OCA2: variants seen among roughly 807,000 people sequenced by gnomAD.
OCA2 encodes the protein OCA2 melanosomal transmembrane protein, also known as P protein.
A neutral mutation model predicts 100.2 loss-of-function variants in OCA2; 77 were observed. The observed-to-expected ratio is 0.77, with a 90% CI of 0.64 to 0.93. The LOEUF (loss-of-function observed/expected upper bound fraction) is 0.93, where lower values mean the gene tolerates loss of function less well. OCA2 is among the 40% of genes least tolerant of loss of function. The pLI is 0.00. For synonymous variants in OCA2, 432 were observed against 439.2 expected (o/e 0.98, Z 0.21); for missense variants, 1,062 against 1,089.1 (o/e 0.98, Z 0.35).
At chr15:27,864,960 G>A (rs2036266671) in intron 21 of OCA2, among the ~76,000 whole-genome samples, 1 of 151,726 alleles carries the variant, frequency 6.6e-6, no homozygotes, top group Non-Finnish European at 1.5e-5. Context: ...AAGAAGAGGC[G>A]GCGGGTGTGA....
In OCA2 at chr15:28,092,351, AC is replaced by A. The variant is rs1489291620; in HGVS notation, c.-22+6872del. Reference sequence around the variant, plus strand: ...AACTCAGTGAATATACTGAAAAAAAACATTAAATTGTACATTTTTTTTGAAA... The same window carrying A: ...AACTCAGTGAATATACTGAAAAAAAAATTAAATTGTACATTTTTTTTGAAA... On this transcript the variant is annotated intron_variant, in intron 1 of 23. Coordinates refer to ENST00000354638, the MANE Select transcript of OCA2 (RefSeq NM_000275.3). Among the ~76,000 whole-genome samples the A allele has an allele frequency of 3.9e-5, 6 of 152,284 alleles. No individual in the cohort carries two copies. In the South Asian group the frequency reaches 8.3e-4, roughly 21 times the overall value.
At chr15:27,938,553 GA>G (rs1444070271) in intron 18 of OCA2, among the ~76,000 whole-genome samples, 2 of 152,212 alleles carry the variant, frequency 1.3e-5, no homozygotes, top group East Asian at 3.9e-4. Flanking sequence ...TATGCCATTA[GA>G]AGGCAGTAAC....
At chr15:28,005,386 T>C (rs1186553129) in intron 9 of OCA2, among the ~76,000 whole-genome samples, 1 of 151,902 alleles carries the variant, frequency 6.6e-6, no homozygotes, top group South Asian at 2.1e-4. Flanking sequence ...TCTGTATGAG[T>C]TTCCCGGGCT....
Position 27,764,171 on chromosome 15 carries a change from G to A in OCA2, c.2433-8699C>T, listed in dbSNP as rs1333155504. Among the ~76,000 whole-genome samples the A allele has an allele frequency of 7.4e-5, 10 of 135,440 alleles. No homozygotes were observed. In the South Asian group the frequency reaches 1.2e-3, roughly 17 times the overall value. 88.9% of individuals were successfully genotyped at this position (135,440 alleles called of 152,430 possible). ...ATACAGAAAGAGGGAGGAGGGAGAC[G>A]GGGAGAGAGAAAGAAGGAGGGACAG... On this transcript the variant is annotated intron_variant, in intron 23 of 23. Coordinates refer to ENST00000354638, the MANE Select transcript of OCA2 (RefSeq NM_000275.3).
chr15:27,719,466 C>T, the OCA2 span, among the ~76,000 whole-genome samples: 7 of 152,128 alleles, frequency 4.6e-5, no homozygotes, highest in East Asian at 1.9e-4. Context: ...TACGAACTTG[C>T]GGGGGGGACC....
intron 19 of OCA2, among the ~76,000 whole-genome samples, chr15:27,914,181 C>A (rs2038575769): frequency 2.0e-5 from 3 of 151,720 alleles, no homozygotes; most frequent in African/African-American, 7.3e-5. Context: ...TGATAAAATT[C>A]AACATCCCTA....
intron 2 of OCA2, among the ~76,000 whole-genome samples, chr15:28,056,901 G>A (rs2043718392): frequency 6.6e-6 from 1 of 152,236 alleles, no homozygotes. Flanking sequence ...CCAGTGGGGT[G>A]GCCCCTGCCC....
At chr15:27,906,428 G>A (rs2038178855) in intron 19 of OCA2, among the ~76,000 whole-genome samples, 1 of 152,044 alleles carries the variant, frequency 6.6e-6, no homozygotes, top group African/African-American at 2.4e-5. Context: ...ATCAAAGCAA[G>A]TAAGAGAATA....
At chr15:27,805,106 G>A (rs2033775897) in intron 23 of OCA2, among the ~76,000 whole-genome samples, 1 of 152,208 alleles carries the variant, frequency 6.6e-6, no homozygotes, top group Non-Finnish European at 1.5e-5. Context: ...GAGAGGAGAC[G>A]GCTGGACGCT....
intron 23 of OCA2, 89 bp downstream of exon 23, chr15:27,844,870 A>T (rs2151379893): frequency 3.2e-6 from 3 of 951,914 alleles, no homozygotes; most frequent in Middle Eastern, 4.2e-4. Flanking sequence ...AAATATGCTT[A>T]TTTTAGCATT....
intron 18 of OCA2, among the ~76,000 whole-genome samples, chr15:27,944,767 A>T (rs1157052479): frequency 6.6e-6 from 1 of 152,180 alleles, no homozygotes; most frequent in African/African-American, 2.4e-5. Context: ...GTCCTTGAAA[A>T]GCCCTAGCCT....
chr15:27,991,327 A>T (rs2041547910), intron 9 of OCA2, among the ~76,000 whole-genome samples: 1 of 152,232 alleles, frequency 6.6e-6, no homozygotes, highest in Admixed American at 6.5e-5. Flanking sequence ...GTCCACACAA[A>T]GCACTGATGC....
chr15:27,915,548 A>T (rs1055843303), intron 19 of OCA2, among the ~76,000 whole-genome samples: 1 of 152,240 alleles, frequency 6.6e-6, no homozygotes, highest in African/African-American at 2.4e-5. Context: ...TGGGCAAAGG[A>T]CATGAATAGC....
chr15:27,834,817 C>G (rs1455504244), intron 23 of OCA2, among the ~76,000 whole-genome samples: 1 of 152,222 alleles, frequency 6.6e-6, no homozygotes, highest in Non-Finnish European at 1.5e-5. Flanking sequence ...GCTGGGGACT[C>G]AGCCGCGGTA....
chr15:28,018,668 A>G, intron 6 of OCA2, 111 bp from the exon 7 acceptor site: 1 of 1,028,176 alleles, frequency 9.7e-7, no homozygotes. Flanking sequence ...GCGTTTCCCC[A>G]GGTGCCCCAC....
chr15:27,859,139 A>C (rs2151441383), intron 21 of OCA2, among the ~76,000 whole-genome samples: 1 of 152,212 alleles, frequency 6.6e-6, no homozygotes, highest in Non-Finnish European at 1.5e-5. Flanking sequence ...AGCAAACTAA[A>C]CCTAAAGCTA....
intron 19 of OCA2, among the ~76,000 whole-genome samples, chr15:27,919,281 G>A (rs1016801197): frequency 1.3e-5 from 2 of 152,100 alleles, no homozygotes; most frequent in African/African-American, 2.4e-5. Context: ...TTACCCAAAC[G>A]ATTTGAAGAC....
At chr15:27,859,058 A>G (rs915014101) in intron 21 of OCA2, among the ~76,000 whole-genome samples, 3 of 152,132 alleles carry the variant, frequency 2.0e-5, no homozygotes, top group Admixed American at 2.0e-4. Flanking sequence ...CTATAAATGC[A>G]TATATTATAA....
chr15:27,952,583 C>T (rs1042980876), intron 17 of OCA2, among the ~76,000 whole-genome samples: 2 of 152,200 alleles, frequency 1.3e-5, no homozygotes, highest in African/African-American at 2.4e-5. Context: ...ACAAGGTCCC[C>T]GTGTGAATGC....
Sources: allele counts gnomAD v4.1 joint callset (sites outside exome capture counted in the v4.1 genomes callset), GRCh38; gene constraint gnomAD v4.1.1; transcripts MANE v1.5; gene names NCBI Gene and HGNC (gene_info 2026-07-23, HGNC 2026-07-21).